The following CYP2A13 variants were observed in gnomAD, a reference collection of about 807,000 sequenced individuals.
The protein encoded by CYP2A13 is cytochrome P450 family 2 subfamily A member 13, also known as cytochrome P450 2A13.
A neutral mutation model predicts 39.4 loss-of-function variants in CYP2A13; 30 were observed. The ratio of observed to expected loss-of-function variants is 0.76; its 90% CI spans 0.57 to 1.03. The LOEUF is 1.03. Among genes scored for constraint, CYP2A13 ranks in the 50% least tolerant of loss-of-function variants. CYP2A13 has a pLI of 0.00. For synonymous variants in CYP2A13, 269 were observed against 254.7 expected (o/e 1.06, Z -0.54); for missense variants, 731 against 648.4 (o/e 1.13, Z -1.38).
At chr19:41,091,008 A>C (rs3968433) in intron 4 of CYP2A13, among the ~76,000 whole-genome samples, 10,847 of 152,024 alleles carry the variant, frequency 0.071, 503 homozygotes, top group Admixed American at 0.15. Context: ...CACAAATGTC[A>C]CAGATTAGCC....
chr19:41,095,898 C>T lies in CYP2A13; in HGVS notation c.1442C>T (p.Ala481Val), dbSNP rs368131195. 3.1e-6 allele frequency: 5 copies of T among 1,613,976 alleles called. No individual in the cohort carries two copies. The highest frequency in any genetic ancestry group is 1.1e-5 in the South Asian group (1 of 91,076). Reference sequence around the variant, plus strand: ...GTGTCCCCCAAACACGTGGGCTTTGCCACGATCCCACGAAACTACACCATG... The same window carrying T: ...GTGTCCCCCAAACACGTGGGCTTTGTCACGATCCCACGAAACTACACCATG... ...IDVSPKHVGF[A>V]TIPRNYTMSF... The change falls in exon 9 of 9, where the codon GCC becomes GTC. Residue 481 changes from alanine to valine, a missense_variant. Physicochemically the swap from Ala to Val is moderately conservative, Grantham distance 64 (BLOSUM62 0). Coordinates refer to ENST00000330436, the MANE Select transcript of CYP2A13 (RefSeq NM_000766.5).
In CYP2A13 at chr19:41,089,007, G is replaced by C; in HGVS notation, c.259G>C (p.Val87Leu). 6 of 1,613,860 alleles carry C rather than the reference G, an allele frequency of 3.7e-6. No individual in the cohort carries two copies. Among genetic ancestry groups the C allele is most frequent in the Non-Finnish European group, 5.1e-6 (6 of 1,179,860 alleles). ...CGTGGTGCTGTGCGGACATGATGCC[G>C]TCAAGGAGGCTCTGGTGGACCAGGC... Reference protein sequence around the residue: ...RVVVLCGHDAVKEALVDQAEE... With the variant: ...RVVVLCGHDALKEALVDQAEE... Residue 87 changes from valine to leucine, a missense_variant, in exon 2 of 9, where the codon GTC becomes CTC. Transcript: ENST00000330436.
rs749130656 is a variant in CYP2A13 at position 41,090,066 on chromosome 19, G to A, written c.363G>A (p.Gly121=). 3 of 1,612,872 alleles carry A rather than the reference G, an allele frequency of 1.9e-6. No homozygotes were observed. In the Admixed American group the frequency reaches 5.0e-5, roughly 27 times the overall value. The change falls in exon 3 of 9, where the codon GGG becomes GGA. Residue 121 remains glycine, a synonymous_variant. Coordinates refer to ENST00000330436, the MANE Select transcript of CYP2A13 (RefSeq NM_000766.5). ...CCCCAGGCGTGGCGTTCAGCAACGG[G>A]GAGCGCGCCAAGCAGCTCCGGCGCT... ...FKGYGVAFSN[G]ERAKQLRRFS...
Position 41,090,033 on chromosome 19 carries a change from G to T in CYP2A13, c.344-14G>T, listed in dbSNP as rs774588226. 1.9e-6 allele frequency: 3 copies of T among 1,609,924 alleles called. No individual in the cohort carries two copies. In the African/African-American group the frequency reaches 4.0e-5, roughly 22 times the overall value. The stretch of plus-strand genomic sequence containing the variant: ...CCCCCTGACCTCTCTCCACCCCCGC[G>T]TTCACCTCCCCAGGCGTGGCGTTCA... On this transcript the variant is annotated splice_polypyrimidine_tract_variant and intron_variant, in intron 2 of 8. Transcript: ENST00000330436.
chr19:41,089,128 G>C (rs1489185418), intron 2 of CYP2A13, 37 bp downstream of exon 2: 3 of 1,610,610 alleles, frequency 1.9e-6, no homozygotes, highest in East Asian at 2.2e-5. Flanking sequence ...GTGGCCAGGT[G>C]GATGCAATGG....
intron 5 of CYP2A13, among the ~76,000 whole-genome samples, chr19:41,092,966 G>A (rs1288944155): frequency 1.3e-5 from 2 of 151,688 alleles, no homozygotes; most frequent in African/African-American, 2.4e-5. Flanking sequence ...CTTTCTCTTC[G>A]TCTCCCCTCA....
In CYP2A13 at chr19:41,088,953, T is replaced by C; in HGVS notation, c.205T>C (p.Phe69Leu). 1 of 1,614,032 alleles carries C rather than the reference T, an allele frequency of 6.2e-7. No homozygotes were observed. Among genetic ancestry groups the C allele is most frequent in the Non-Finnish European group, 8.5e-7 (1 of 1,179,934 alleles). ...MKISERYGPV[F>L]TIHLGPRRVV... ...GATCAGTGAGCGCTATGGCCCTGTG[T>C]TCACCATTCACTTGGGGCCCCGGCG... Residue 69 changes from phenylalanine to leucine, a missense_variant, in exon 2 of 9, where the codon TTC becomes CTC. Physicochemically the swap from Phe to Leu is conservative, Grantham distance 22. Coordinates refer to ENST00000330436, the MANE Select transcript of CYP2A13 (RefSeq NM_000766.5).
At chr19:41,090,244 C>T (rs1286686453) in intron 3 of CYP2A13, 48 bp downstream of exon 3, 1 of 1,549,230 alleles carries the variant, frequency 6.5e-7, no homozygotes, top group Non-Finnish European at 8.7e-7. Flanking sequence ...CGCTTTCTGC[C>T]TGGGGATGGG....
At position 41,090,517 on chromosome 19, in the gene CYP2A13, C is replaced by T. The variant is rs745929748; in HGVS notation, c.607C>T (p.Arg203Cys). 3 of 1,614,136 alleles carry T rather than the reference C, an allele frequency of 1.9e-6. No individual in the cohort carries two copies. Among genetic ancestry groups the T allele is most frequent in the Non-Finnish European group, 2.5e-6 (3 of 1,180,012 alleles). The change falls in exon 4 of 9, where the codon CGC (arginine) becomes TGC (cysteine). Residue 203 changes from arginine to cysteine, a missense_variant. Transcript: ENST00000330436. ...GGACAAAGAGTTCCTGTCACTGTTG[C>T]GCATGATGCTGGGAAGCTTCCAGTT... ...YEDKEFLSLL[R>C]MMLGSFQFTA...
At chr19:41,090,018 T>G in intron 2 of CYP2A13, 29 bp from the exon 3 acceptor site, 1 of 1,601,550 alleles carries the variant, frequency 6.2e-7, no homozygotes, top group Non-Finnish European at 8.5e-7. Flanking sequence ...CCCCCTGACC[T>G]CTCTCCACCC....
At chr19:41,091,991 G>T in intron 5 of CYP2A13, 83 bp downstream of exon 5, 1 of 1,559,934 alleles carries the variant, frequency 6.4e-7, no homozygotes, top group Non-Finnish European at 8.7e-7. Flanking sequence ...AGACGACACA[G>T]GCCCATTCAA....
intron 3 of CYP2A13, 35 bp downstream of exon 3, chr19:41,090,231 C>A (rs2031157372): frequency 1.3e-6 from 2 of 1,547,492 alleles, no homozygotes; most frequent in African/African-American, 2.7e-5. Context: ...GGGCGGGAAC[C>A]CGCGCTTTCT....
rs554071462 is a variant in CYP2A13 at position 41,095,060 on chromosome 19, G to T, written c.1263G>T (p.Gly421=). 2.0e-5 allele frequency: 32 copies of T among 1,614,108 alleles called. No homozygotes were observed. The South Asian group carries it at 3.2e-4, about 16-fold the overall frequency. The change falls in exon 8 of 9, where the codon GGG becomes GGT. Residue 421 remains glycine, a synonymous_variant. Transcript: ENST00000330436. ...FNPQHFLDKK[G]QFKKSDAFVP... Reference sequence around the variant, plus strand: ...CCCAGCACTTCCTGGATAAGAAGGGGCAGTTTAAGAAGAGTGATGCTTTTG... The same window carrying T: ...CCCAGCACTTCCTGGATAAGAAGGGTCAGTTTAAGAAGAGTGATGCTTTTG...
chr19:41,093,282 T>C (rs760853063), intron 5 of CYP2A13, among the ~76,000 whole-genome samples: 5 of 151,930 alleles, frequency 3.3e-5, no homozygotes, highest in Non-Finnish European at 5.9e-5. Flanking sequence ...CAGTTCCAGC[T>C]ACTCAGGAGG....
rs563123035 is a variant in CYP2A13, at chr19:41,095,837, C to T, written c.1381C>T (p.Arg461Cys). 3 of 1,614,102 alleles carry T rather than the reference C, an allele frequency of 1.9e-6. No individual in the cohort carries two copies. The highest frequency in any genetic ancestry group is 2.2e-5 in the East Asian group (1 of 44,878). ...CTTCACCACCATCATGCAGAACTTT[C>T]GCTTCAAGTCCCCTCAGTCGCCTAA... ...LFFTTIMQNF[R>C]FKSPQSPKDI... The change falls in exon 9 of 9, where the codon CGC becomes TGC. Residue 461 changes from arginine (R) to cysteine (C), a missense_variant. Arg to Cys is a radical substitution (Grantham distance 180). Transcript: ENST00000330436.
chr19:41,088,862 A>G lies in CYP2A13; in HGVS notation c.181-67A>G. The G allele has an allele frequency of 4.4e-6, 7 of 1,593,920 alleles. No individual in the cohort carries two copies. In the South Asian group the frequency reaches 7.9e-5, roughly 18 times the overall value. On this transcript the variant is annotated intron_variant, in intron 1 of 8. Transcript: ENST00000330436. ...GGGGCGAAGCATCCCAGTACATGATATCTCAGTGCTGGGCCCATTCAGAGT... is the reference window on the plus strand; with the variant it reads ...GGGGCGAAGCATCCCAGTACATGATGTCTCAGTGCTGGGCCCATTCAGAGT...
In CYP2A13 at chr19:41,090,044, C is replaced by T. The variant is rs754246141; in HGVS notation, c.344-3C>T. On this transcript the variant is annotated splice_region_variant and splice_polypyrimidine_tract_variant and intron_variant, in intron 2 of 8. Coordinates refer to ENST00000330436, the MANE Select transcript of CYP2A13 (RefSeq NM_000766.5). Reference sequence around the variant, plus strand: ...CTCTCCACCCCCGCGTTCACCTCCCCAGGCGTGGCGTTCAGCAACGGGGAG... The same window carrying T: ...CTCTCCACCCCCGCGTTCACCTCCCTAGGCGTGGCGTTCAGCAACGGGGAG... 1 of 1,612,118 alleles carries T rather than the reference C, an allele frequency of 6.2e-7. No homozygotes were observed. Among genetic ancestry groups the T allele is most frequent in the Non-Finnish European group, 8.5e-7 (1 of 1,179,518 alleles).
At chr19:41,091,048 C>G (rs2031178654) in intron 4 of CYP2A13, among the ~76,000 whole-genome samples, 1 of 152,212 alleles carries the variant, frequency 6.6e-6, no homozygotes, top group Non-Finnish European at 1.5e-5. Context: ...GGGCCCTCTA[C>G]TTCACCCACT....
chr19:41,088,815 G>T, intron 1 of CYP2A13, 114 bp from the exon 2 acceptor site: 1 of 1,549,522 alleles, frequency 6.5e-7, no homozygotes, highest in Non-Finnish European at 8.7e-7. Context: ...GGGATGTCCA[G>T]CTCCCTGACT....
Sources: allele counts gnomAD v4.1 joint callset (sites outside exome capture counted in the v4.1 genomes callset), GRCh38; gene constraint gnomAD v4.1.1; transcripts MANE v1.5; gene names NCBI Gene and HGNC (gene_info 2026-07-23, HGNC 2026-07-21).